Variants in METTL15 observed in about 807,000 individuals in gnomAD.
METTL15 encodes 12S rRNA N(4)-cytidine methyltransferase METTL15.
METTL15 carries 34 observed loss-of-function variants against 38.3 expected under a neutral mutation model. The ratio of observed to expected loss-of-function variants is 0.89; its 90% CI spans 0.68 to 1.18. The LOEUF is 1.18. Among genes scored for constraint, METTL15 ranks in the 50% most tolerant of loss-of-function variants. METTL15 has a pLI of 0.00. For missense variants in METTL15, 438 were observed against 498.4 expected (o/e 0.88, Z 1.15); for synonymous variants, 162 against 170.9 (o/e 0.95, Z 0.41).
intron 5 of METTL15, among the ~76,000 whole-genome samples, chr11:28,376,607 T>G (rs188880961): frequency 6.6e-6 from 1 of 152,298 alleles, no homozygotes; most frequent in East Asian, 1.9e-4. Context: ...TCTTGACTCT[T>G]TATCCAATTT....
intron 6 of METTL15, among the ~76,000 whole-genome samples, chr11:28,307,753 G>C (rs1203732235): frequency 1.3e-5 from 2 of 151,874 alleles, no homozygotes; most frequent in Non-Finnish European, 2.9e-5. Context: ...AGTCTACTTT[G>C]TGCTGGGCAC....
At chr11:28,138,865 C>T (rs1328660163) in intron 3 of METTL15, among the ~76,000 whole-genome samples, 1 of 152,176 alleles carries the variant, frequency 6.6e-6, no homozygotes, top group Non-Finnish European at 1.5e-5. Flanking sequence ...CCTAGGCTTG[C>T]ATTCTATCCT....
At chr11:28,465,300 C>G (rs1851247749) in intron 6 of METTL15, among the ~76,000 whole-genome samples, 1 of 152,046 alleles carries the variant, frequency 6.6e-6, no homozygotes, top group Non-Finnish European at 1.5e-5. Context: ...CTCCTCTTAC[C>G]CTTCTTGTCC....
intron 3 of METTL15, among the ~76,000 whole-genome samples, chr11:28,176,721 TATC>T (rs1851089684): frequency 6.6e-6 from 1 of 152,126 alleles, no homozygotes; most frequent in African/African-American, 2.4e-5. Flanking sequence ...TGTCAGTTAT[TATC>T]TATCTGACCT....
At chr11:28,329,425 G>A (rs1409630253) in intron 6 of METTL15, among the ~76,000 whole-genome samples, 2 of 151,884 alleles carry the variant, frequency 1.3e-5, no homozygotes, top group African/African-American at 4.8e-5. Context: ...GATTATTTGG[G>A]CTGTTCTAGG....
intron 4 of METTL15, among the ~76,000 whole-genome samples, chr11:28,219,128 G>A (rs1057190971): frequency 6.6e-6 from 1 of 152,172 alleles, no homozygotes; most frequent in Non-Finnish European, 1.5e-5. Context: ...AGTTTTCGAA[G>A]GAATGGTACC....
chr11:28,238,208 G>A (rs1262700744), intron 4 of METTL15, among the ~76,000 whole-genome samples: 1 of 152,220 alleles, frequency 6.6e-6, no homozygotes, highest in Non-Finnish European at 1.5e-5. Context: ...TGCCCCCAGA[G>A]GTGGAGCCTA....
chr11:28,116,036 C>T (rs939966443), intron 3 of METTL15, among the ~76,000 whole-genome samples: 8 of 151,890 alleles, frequency 5.3e-5, no homozygotes, highest in African/African-American at 1.9e-4. Context: ...AAGTCTCTCT[C>T]TTTATAGAAA....
chr11:28,473,140 A>G (rs1590386529), intron 6 of METTL15, among the ~76,000 whole-genome samples: 1 of 152,172 alleles, frequency 6.6e-6, no homozygotes. Context: ...ATGGTTTTCA[A>G]TACTCATGGC....
At chr11:28,462,785 G>T (rs560526770) in intron 6 of METTL15, among the ~76,000 whole-genome samples, 9 of 152,090 alleles carry the variant, frequency 5.9e-5, no homozygotes, top group African/African-American at 2.2e-4. Flanking sequence ...TGGGAGAAAG[G>T]GTTCCCAAAT....
intron 6 of METTL15, among the ~76,000 whole-genome samples, chr11:28,310,279 C>A (rs1291810209): frequency 1.3e-5 from 2 of 151,348 alleles, no homozygotes; most frequent in Non-Finnish European, 2.9e-5. Context: ...AAACTGGGAA[C>A]CAAGAGCAGA....
intron 3 of METTL15, chr11:28,123,780 C>T: frequency 1.0e-6 from 1 of 993,698 alleles, no homozygotes; most frequent in Non-Finnish European, 1.4e-6. Flanking sequence ...CCTGTGTCAT[C>T]TGTAATAGGT....
At chr11:28,377,411 A>G (rs1173171769) in intron 5 of METTL15, among the ~76,000 whole-genome samples, 1 of 151,678 alleles carries the variant, frequency 6.6e-6, no homozygotes, top group Non-Finnish European at 1.5e-5. Context: ...CATTCATTTC[A>G]TCTTCCATTG....
At chr11:28,506,943 C>T (rs1260493202) in intron 6 of METTL15, among the ~76,000 whole-genome samples, 1 of 152,084 alleles carries the variant, frequency 6.6e-6, no homozygotes, top group East Asian at 1.9e-4. Flanking sequence ...TGGGGTTTCA[C>T]TATGTTAGAC....
chr11:28,173,397 G>GA (rs902206658), intron 3 of METTL15, among the ~76,000 whole-genome samples: 5 of 152,108 alleles, frequency 3.3e-5, no homozygotes, highest in African/African-American at 7.2e-5. Flanking sequence ...TGTGAACCGG[G>GA]AAAAAATCCT....
chr11:28,494,169 A>T (rs1037813009), intron 6 of METTL15, among the ~76,000 whole-genome samples: 4 of 152,076 alleles, frequency 2.6e-5, no homozygotes, highest in African/African-American at 9.7e-5. Context: ...TAATGTCCAA[A>T]CTCAGTTCTC....
chr11:28,223,455 A>G (rs542186533), intron 4 of METTL15, among the ~76,000 whole-genome samples: 3 of 152,318 alleles, frequency 2.0e-5, no homozygotes, highest in African/African-American at 7.2e-5. Flanking sequence ...GAAAGGATGC[A>G]TAGATAGATT....
chr11:28,430,424 C>A lies in METTL15; in HGVS notation c.*424+6060C>A, dbSNP rs1309342678. 1.0e-4 allele frequency among the ~76,000 whole-genome samples: 6 copies of A among 60,186 alleles called. No individual in the cohort carries two copies. The South Asian group carries it at 4.0e-3, about 40-fold the overall frequency. The allele number at this position is 60,186 out of a possible 152,430, so 39.5% of individuals were successfully genotyped here. A position where few individuals can be genotyped will look rare whatever the true frequency, so the allele number is the denominator to read the frequency against. ...GCCGCCCCGTCCGGGAGGTGAGGGG[C>A]GCCTCTGCCCGGCCGCCCCTACTGG... On this transcript the variant is annotated intron_variant and NMD_transcript_variant, in intron 6 of 7. Coordinates refer to the METTL15 transcript ENST00000532947.
chr11:28,288,973 C>CTGTCCACTTA (rs1856400903), intron 4 of METTL15, among the ~76,000 whole-genome samples: 1 of 152,110 alleles, frequency 6.6e-6, no homozygotes, highest in East Asian at 1.9e-4. Context: ...ACTCTCCTTT[C>CTGTCCACTTA]TGTCCACTTA....
Sources: gnomAD v4.1 joint callset for allele counts (sites outside exome capture counted in the v4.1 genomes callset) on GRCh38, gnomAD v4.1.1 for gene constraint, MANE v1.5 for transcripts, NCBI Gene and HGNC (gene_info 2026-07-23, HGNC 2026-07-21) for gene names.